The following PRAG1 variants were observed in gnomAD, a reference collection of about 807,000 sequenced individuals.
PRAG1 encodes the protein inactive tyrosine-protein kinase PRAG1.
In PRAG1, 110 loss-of-function variants were observed where a neutral mutation model predicts 95.6. That is an observed-to-expected ratio of 1.15 (90% confidence interval 0.99 to 1.35). The LOEUF is 1.35. Among genes scored for constraint, PRAG1 ranks in the 40% most tolerant of loss-of-function variants. The pLI, the probability that PRAG1 is intolerant of heterozygous loss-of-function variation, is 0.00. For synonymous variants in PRAG1, 1,052 were observed against 819.4 expected (o/e 1.28, Z -4.85); for missense variants, 2,554 against 1,864.7 (o/e 1.37, Z -6.81).
intron 1 of PRAG1, among the ~76,000 whole-genome samples, chr8:8,385,870 C>G (rs1032709209): frequency 6.6e-6 from 1 of 152,064 alleles, no homozygotes; most frequent in Non-Finnish European, 1.5e-5. Flanking sequence ...GCTGCATACC[C>G]TGCACCCCCA....
intron 3 of PRAG1, chr8:8,374,709 T>G (rs1758421765): frequency 1.0e-6 from 1 of 985,250 alleles, no homozygotes; most frequent in Non-Finnish European, 1.2e-6. Flanking sequence ...GAGTCTGCAA[T>G]CACCTCAGGA....
intron 3 of PRAG1, among the ~76,000 whole-genome samples, chr8:8,349,648 C>T (rs1799455831): frequency 6.6e-6 from 1 of 152,002 alleles, no homozygotes; most frequent in South Asian, 2.1e-4. Context: ...TTGCAAATGC[C>T]TAAATGCCAG....
intron 4 of PRAG1, 35 bp from the exon 5 acceptor site, chr8:8,328,496 C>T: frequency 6.2e-7 from 1 of 1,604,690 alleles, no homozygotes; most frequent in Middle Eastern, 1.7e-4. Flanking sequence ...AAGACCAAGG[C>T]CAGTGCCACT....
intron 5 of PRAG1, among the ~76,000 whole-genome samples, chr8:8,320,920 G>A (rs1038648407): frequency 1.1e-4 from 16 of 152,304 alleles, no homozygotes; most frequent in African/African-American, 1.7e-4. Flanking sequence ...GCTAATTGTC[G>A]GGAATGGTGG....
rs4840952 is a variant in PRAG1, at chr8:8,376,561, G to T, written c.1848C>A (p.Ala616=). ...ISDPSRCPQP[A]ASSASEQRRP... ...GCCTCTGTTCCGAGGCTGACGAGGC[G>T]GCAGGCTGGGGACACCTGGATGGGT... The change falls in exon 3 of 6, where the codon GCC becomes GCA. Residue 616 remains alanine, a synonymous_variant. Coordinates refer to ENST00000615670, the MANE Select transcript of PRAG1 (RefSeq NM_001080826.3). 5.0e-6 allele frequency: 8 copies of T among 1,607,216 alleles called. No individual in the cohort carries two copies. The East Asian group carries it at 1.1e-4, about 22-fold the overall frequency.
At chr8:8,369,967 T>C (rs1249982435) in intron 3 of PRAG1, among the ~76,000 whole-genome samples, 1 of 152,190 alleles carries the variant, frequency 6.6e-6, no homozygotes, top group African/African-American at 2.4e-5. Context: ...TCAGGATCCT[T>C]AAGGAACAGA....
chr8:8,362,696 G>A (rs891611208), intron 3 of PRAG1, among the ~76,000 whole-genome samples: 6 of 152,226 alleles, frequency 3.9e-5, no homozygotes, highest in Admixed American at 6.5e-5. Context: ...ACTTTCTGCA[G>A]AAAGGGTACT....
intron 3 of PRAG1, among the ~76,000 whole-genome samples, chr8:8,353,522 C>A (rs186921681): frequency 1.3e-5 from 2 of 151,810 alleles, no homozygotes; most frequent in Admixed American, 1.3e-4. Flanking sequence ...AATAGAAATA[C>A]AATATATCAA....
intron 5 of PRAG1, among the ~76,000 whole-genome samples, chr8:8,327,080 G>T (rs1798655023): frequency 6.6e-6 from 1 of 152,132 alleles, no homozygotes; most frequent in African/African-American, 2.4e-5. Flanking sequence ...TCAGATTGTG[G>T]CAAAGTACCT....
intron 3 of PRAG1, among the ~76,000 whole-genome samples, chr8:8,356,414 T>C (rs1457087883): frequency 1.3e-5 from 2 of 152,340 alleles, no homozygotes; most frequent in African/African-American, 4.8e-5. Context: ...GGTGCAATCA[T>C]GGCTCACCAC....
chr8:8,362,916 T>C (rs1420428840), intron 3 of PRAG1, among the ~76,000 whole-genome samples: 7 of 152,148 alleles, frequency 4.6e-5, no homozygotes, highest in East Asian at 3.9e-4. Flanking sequence ...AAGTCGCTTA[T>C]GTAAAGGCTT....
chr8:8,329,176 T>G (rs958609306), intron 4 of PRAG1, among the ~76,000 whole-genome samples: 4 of 152,078 alleles, frequency 2.6e-5, no homozygotes, highest in African/African-American at 9.7e-5. Context: ...ACGGATCACT[T>G]GAGCTCAGGA....
chr8:8,368,658 T>C (rs1800090718), intron 3 of PRAG1, among the ~76,000 whole-genome samples: 1 of 152,204 alleles, frequency 6.6e-6, no homozygotes, highest in Admixed American at 6.5e-5. Flanking sequence ...CAACCAATTA[T>C]GCAGATCAAA....
intron 3 of PRAG1, among the ~76,000 whole-genome samples, chr8:8,365,648 T>C (rs558316918): frequency 2.7e-5 from 4 of 150,404 alleles, no homozygotes; most frequent in African/African-American, 4.9e-5. Context: ...TAAATAAATA[T>C]ATGCAACAAG....
intron 3 of PRAG1, among the ~76,000 whole-genome samples, chr8:8,373,380 T>A (rs1585272452): frequency 6.6e-6 from 1 of 152,212 alleles, no homozygotes; most frequent in African/African-American, 2.4e-5. Context: ...AATGAAAATA[T>A]ATTCTAGTTT....
chr8:8,376,650 G>A lies in PRAG1; in HGVS notation c.1759C>T (p.Pro587Ser), dbSNP rs1800408705. The A allele has an allele frequency of 6.2e-7, 1 of 1,608,614 alleles. No homozygotes were observed. The highest frequency in any genetic ancestry group is 1.3e-5 in the African/African-American group (1 of 74,914). ...SSGGSSIGPQ[P>S]PSQGPADPAP... ...GGGTCAGCAGGACCTTGGGATGGAG[G>A]CTGGGGCCCAATGCTGCTGCCGCCA... Residue 587 changes from proline to serine, a missense_variant, in exon 3 of 6, where the codon CCT becomes TCT. Pro to Ser is a moderately conservative substitution (Grantham distance 74, BLOSUM62 -1). Transcript: ENST00000615670.
intron 2 of PRAG1, among the ~76,000 whole-genome samples, chr8:8,379,420 G>A (rs912833048): frequency 6.6e-6 from 1 of 152,140 alleles, no homozygotes; most frequent in South Asian, 2.1e-4. Flanking sequence ...TCTTTCCCAG[G>A]TGATTCTGAG....
rs75375015 is a variant in PRAG1 at position 8,368,416 on chromosome 8, G to A, written c.2162+7831C>T. 7.2e-5 allele frequency among the ~76,000 whole-genome samples: 11 copies of A among 152,332 alleles called. No homozygotes were observed. The East Asian group carries it at 2.1e-3, about 29-fold the overall frequency. ...AACATTTTTAGGGCTCTGCCCAAAA[G>A]TCAATAGAAAGAAATAATGAGCAAT... On this transcript the variant is annotated intron_variant, in intron 3 of 5. Transcript: ENST00000615670.
rs745980973 is a variant in PRAG1 at position 8,339,646 on chromosome 8, T to C, written c.2163-11A>G. The C allele has an allele frequency of 6.2e-7, 1 of 1,607,760 alleles. No individual in the cohort carries two copies. The highest frequency in any genetic ancestry group is 8.5e-7 in the Non-Finnish European group (1 of 1,174,730). On this transcript the variant is annotated splice_polypyrimidine_tract_variant and intron_variant, in intron 3 of 5. Transcript: ENST00000615670. ...ATTTTTAGAAGGTGCCTGGAAAAGG[T>C]AGGAACAAACAATACAAATAACTCA... is the stretch of plus-strand genomic sequence containing the variant.
Sources: allele counts gnomAD v4.1 joint callset (sites outside exome capture counted in the v4.1 genomes callset), GRCh38; gene constraint gnomAD v4.1.1; transcripts MANE v1.5; gene names NCBI Gene and HGNC (gene_info 2026-07-23, HGNC 2026-07-21).